Variants in FAF1 observed in about 807,000 individuals in gnomAD.
FAF1 encodes Fas associated factor 1.
In FAF1, 25 loss-of-function variants were observed where a neutral mutation model predicts 92.5. The observed-to-expected ratio is 0.27, with a 90% CI of 0.20 to 0.38. FAF1 has a LOEUF of 0.38. Ranked by LOEUF, FAF1 falls within the 10% of genes least tolerant of loss-of-function variation. The pLI is 1.00. For synonymous variants in FAF1, 234 were observed against 273.2 expected (o/e 0.86, Z 1.42); for missense variants, 636 against 793.3 (o/e 0.80, Z 2.38).
chr1:50,876,836 G>A (rs1009854425), intron 1 of FAF1, among the ~76,000 whole-genome samples: 12 of 152,172 alleles, frequency 7.9e-5, no homozygotes, highest in Middle Eastern at 3.4e-3. Flanking sequence ...CGCCCACCTC[G>A]GCCTCCCAAA....
chr1:50,641,825 C>A (rs1161449805), intron 8 of FAF1, among the ~76,000 whole-genome samples: 1 of 152,142 alleles, frequency 6.6e-6, no homozygotes, highest in African/African-American at 2.4e-5. Flanking sequence ...TGTTACCAGG[C>A]ACATACACAT....
chr1:50,477,167 A>T (rs1318524492), intron 17 of FAF1, among the ~76,000 whole-genome samples: 1 of 152,224 alleles, frequency 6.6e-6, no homozygotes, highest in Non-Finnish European at 1.5e-5. Context: ...ATCATTCAAA[A>T]TTTCTGCAAT....
intron 7 of FAF1, among the ~76,000 whole-genome samples, chr1:50,674,815 A>T (rs1259671287): frequency 6.6e-6 from 1 of 152,224 alleles, no homozygotes; most frequent in Non-Finnish European, 1.5e-5. Flanking sequence ...AGAAAAGATG[A>T]GAACAGCTAT....
At chr1:50,824,709 T>C (rs540926565) in intron 2 of FAF1, among the ~76,000 whole-genome samples, 2 of 152,092 alleles carry the variant, frequency 1.3e-5, no homozygotes, top group Non-Finnish European at 2.9e-5. Flanking sequence ...TGCCTATCAG[T>C]GGATGAAGAG....
chr1:50,687,078 C>G (rs895359501), intron 7 of FAF1, among the ~76,000 whole-genome samples: 1 of 152,154 alleles, frequency 6.6e-6, no homozygotes, highest in Non-Finnish European at 1.5e-5. Context: ...ATCCGTCCAC[C>G]TGAGCCTTCC....
At chr1:50,487,392 C>G (rs1646780661) in intron 17 of FAF1, among the ~76,000 whole-genome samples, 1 of 152,162 alleles carries the variant, frequency 6.6e-6, no homozygotes, top group South Asian at 2.1e-4. Context: ...ACATGTTAGT[C>G]TTATCTTTGG....
intron 5 of FAF1, 40 bp from the exon 6 acceptor site, chr1:50,738,994 T>C (rs1247565491): frequency 8.4e-7 from 1 of 1,197,478 alleles, no homozygotes; most frequent in Non-Finnish European, 1.2e-6. Flanking sequence ...AATGTTGATG[T>C]TGATTATTCA....
intron 15 of FAF1, among the ~76,000 whole-genome samples, chr1:50,493,533 A>G (rs1646864194): frequency 6.6e-6 from 1 of 152,214 alleles, no homozygotes; most frequent in African/African-American, 2.4e-5. Flanking sequence ...AGTTTCTCAC[A>G]ACATTCTGTA....
intron 13 of FAF1, among the ~76,000 whole-genome samples, chr1:50,558,231 CTTATTTTTAGAATAAGATAT>C (rs1356595027): frequency 6.6e-6 from 1 of 151,782 alleles, no homozygotes; most frequent in Non-Finnish European, 1.5e-5. Flanking sequence ...AGATATTTAT[CTTATTTTTAGAATAAGATAT>C]TTATCTTATT....
intron 1 of FAF1, among the ~76,000 whole-genome samples, chr1:50,927,640 A>G (rs1645016474): frequency 6.6e-6 from 1 of 152,250 alleles, no homozygotes; most frequent in South Asian, 2.1e-4. Flanking sequence ...GTACTAAGTT[A>G]TGCTGAAAGG....
chr1:50,592,918 A>G (rs1045532127), intron 9 of FAF1, among the ~76,000 whole-genome samples: 1 of 151,504 alleles, frequency 6.6e-6, no homozygotes, highest in Non-Finnish European at 1.5e-5. Flanking sequence ...AGCCTGGGCA[A>G]CAGAGCAAGA....
intron 4 of FAF1, among the ~76,000 whole-genome samples, chr1:50,758,185 T>C (rs1387706010): frequency 6.6e-6 from 1 of 152,192 alleles, no homozygotes; most frequent in East Asian, 1.9e-4. Flanking sequence ...CCCAAAGTGC[T>C]GGGATTAGAA....
At chr1:50,571,679 C>G (rs374573312) in intron 12 of FAF1, among the ~76,000 whole-genome samples, 17 of 152,268 alleles carry the variant, frequency 1.1e-4, no homozygotes, top group African/African-American at 3.1e-4. Flanking sequence ...ACATTCAAAT[C>G]CAGGAGCTAA....
intron 4 of FAF1, among the ~76,000 whole-genome samples, chr1:50,766,143 A>G (rs1196188447): frequency 1.3e-5 from 2 of 152,170 alleles, no homozygotes; most frequent in Admixed American, 6.5e-5. Context: ...GAAACAATAA[A>G]AAACTCAGAC....
intron 4 of FAF1, among the ~76,000 whole-genome samples, chr1:50,749,547 A>G (rs1281266171): frequency 6.6e-6 from 1 of 152,222 alleles, no homozygotes; most frequent in African/African-American, 2.4e-5. Flanking sequence ...GCACTTTGGG[A>G]AGCCAAGGTA....
At chr1:50,462,008 C>T (rs1312478127) in intron 18 of FAF1, among the ~76,000 whole-genome samples, 3 of 147,550 alleles carry the variant, frequency 2.0e-5, no homozygotes, top group Non-Finnish European at 4.5e-5. Context: ...ATATTATATA[C>T]ATTATATATA....
chr1:50,533,400 AT>A lies in FAF1; in HGVS notation c.1494+1968del, dbSNP rs200611700. 4.0e-5 allele frequency among the ~76,000 whole-genome samples: 6 copies of A among 151,326 alleles called. No homozygotes were observed. The East Asian group carries it at 7.8e-4, about 20-fold the overall frequency. ...CCAGGTTTTATATCATTGTAACCAA[AT>A]TTTTTTTTCAAGTTACTTTATTTTA... On this transcript the variant is annotated intron_variant, in intron 15 of 18. Coordinates refer to ENST00000396153, the MANE Select transcript of FAF1 (RefSeq NM_007051.3).
At chr1:50,776,096 G>A (rs1392557983) in intron 4 of FAF1, among the ~76,000 whole-genome samples, 2 of 152,120 alleles carry the variant, frequency 1.3e-5, no homozygotes, top group Non-Finnish European at 2.9e-5. Context: ...CCATAACTAT[G>A]AAGAATATGA....
chr1:50,774,523 C>G (rs936431106), intron 4 of FAF1, among the ~76,000 whole-genome samples: 1 of 152,086 alleles, frequency 6.6e-6, no homozygotes, highest in Admixed American at 6.5e-5. Context: ...TTCTTAAAAA[C>G]TAAAATAGTA....
Sources: allele counts gnomAD v4.1 joint callset (sites outside exome capture counted in the v4.1 genomes callset), GRCh38; gene constraint gnomAD v4.1.1; transcripts MANE v1.5; gene names NCBI Gene and HGNC (gene_info 2026-07-23, HGNC 2026-07-21).